The following TBX2 variants were observed in gnomAD, a reference collection of about 807,000 sequenced individuals.
TBX2 encodes T-box transcription factor 2.
TBX2 carries 19 observed loss-of-function variants against 48.4 expected under a neutral mutation model. The ratio of observed to expected loss-of-function variants is 0.39; its 90% confidence interval spans 0.27 to 0.58. The LOEUF is 0.58. Ranked by LOEUF, TBX2 falls within the 20% of genes least tolerant of loss-of-function variation. The pLI is 0.54. For missense variants in TBX2, 994 were observed against 1,006.5 expected (o/e 0.99, Z 0.17); for synonymous variants, 522 against 459.7 (o/e 1.14, Z -1.73).
intron 1 of TBX2, among the ~76,000 whole-genome samples, chr17:61,401,245 A>G (rs373581483): frequency 6.6e-6 from 1 of 151,384 alleles, no homozygotes; most frequent in East Asian, 2.0e-4. Flanking sequence ...ATGTCTTATC[A>G]GGCTCTGTAG....
rs182290035 is a variant in TBX2, at chr17:61,404,704, C to G, written c.986C>G (p.Pro329Arg). The change falls in exon 5 of 7, where the codon CCC becomes CGC. Residue 329 changes from proline to arginine, a missense_variant. This residue lies in a region of TBX2 where 639 missense variants were observed against 613.2 expected (regional missense o/e 1.04). Transcript: ENST00000240328. ...ESDASSCDPP[P>R]AREPPTSPGA... ...GACGCCTCGTCGTGCGACCCTCCCC[C>G]CGCGCGGGAACCACCCACCTCCCCG... 3.8e-6 allele frequency: 6 copies of G among 1,567,348 alleles called. No individual in the cohort carries two copies. The East Asian group carries it at 7.1e-5, about 19-fold the overall frequency.
At position 61,400,134 on chromosome 17, in the gene TBX2, C is replaced by G. The variant is rs1257498759; in HGVS notation, c.-43C>G. 2.1e-6 allele frequency: 2 copies of G among 972,008 alleles called. No individual in the cohort carries two copies. The highest frequency in any genetic ancestry group is 1.2e-6 in the Non-Finnish European group (1 of 819,592). 60.2% of individuals were successfully genotyped at this position (972,008 alleles called of 1,614,324 possible). ...GCCGGGGGTCCGAGCCGCGCGCCCC[C>G]GGCCCCGGCCCCGGCCCCCGGGCGC... On this transcript the variant is annotated 5_prime_UTR_variant, in exon 1 of 7. Transcript: ENST00000240328. This position sits in a 1 kb window ranked among gnomAD's most constrained non-coding sequence, Gnocchi z 9.2.
rs1385413906 is a variant in TBX2, at chr17:61,405,291, G to C, written c.1141G>C (p.Ala381Pro). 1.3e-6 allele frequency: 2 copies of C among 1,560,470 alleles called. No individual in the cohort carries two copies. The highest frequency in any genetic ancestry group is 1.7e-6 in the Non-Finnish European group (2 of 1,160,854). Residue 381 changes from alanine to proline, a missense_variant, in exon 6 of 7, where the codon GCT becomes CCT. By Grantham distance (27) the Ala-to-Pro change is conservative (BLOSUM62 -1). Transcript: ENST00000240328. ...GGGGGCGCCGCTAGGCCGCAGCCCG[G>C]CTCCAGACAGCGCCAGCCCCACTCG... ...RAGAPLGRSP[A>P]PDSASPTRLT...
intron 2 of TBX2, 88 bp downstream of exon 2, chr17:61,402,039 CA>C (rs2060265831): frequency 1.3e-6 from 2 of 1,499,832 alleles, no homozygotes; most frequent in Middle Eastern, 2.1e-4. Flanking sequence ...CAGGATCTCC[CA>C]GGGGGAAGCG....
chr17:61,401,949 T>C lies in TBX2; in HGVS notation c.661T>C (p.Phe221Leu). ...LTNNISDKHG[F>L]TILNSMHKYQ... ...CAACAACATCTCTGACAAGCACGGCTTCGTGAGTGTTGGGGCAGGGTGGGG... is the reference window on the plus strand; with the variant it reads ...CAACAACATCTCTGACAAGCACGGCCTCGTGAGTGTTGGGGCAGGGTGGGG... Residue 221 changes from phenylalanine (F) to leucine (L), a missense_variant and splice_region_variant, in exon 2 of 7, where the codon TTC becomes CTC. Coordinates refer to ENST00000240328, the MANE Select transcript of TBX2 (RefSeq NM_005994.4). The C allele has an allele frequency of 6.3e-7, 1 of 1,593,626 alleles. No individual in the cohort carries two copies. The highest frequency in any genetic ancestry group is 1.7e-5 in the Admixed American group (1 of 59,178).
chr17:61,401,980 G>A (rs1020970890), intron 2 of TBX2, 29 bp downstream of exon 2: 2 of 1,556,484 alleles, frequency 1.3e-6, no homozygotes, highest in Non-Finnish European at 1.7e-6. Context: ...TGGGGACGGT[G>A]CAGGAGCTTG....
rs1298909390 is a variant in TBX2 at position 61,403,347 on chromosome 17, G to T, written c.810+140G>T. ...GGCCCGCCCCCGAGCACCGAGCCTC[G>T]CATCCATACGCGCAGCACTCACGGA... On this transcript the variant is annotated intron_variant, in intron 3 of 6. Transcript: ENST00000240328. The surrounding 1 kb of genome is among the most constrained non-coding windows in gnomAD (Gnocchi z 5.8). The T allele has an allele frequency of 6.7e-6, 9 of 1,339,352 alleles. No individual in the cohort carries two copies. Among genetic ancestry groups the T allele is most frequent in the African/African-American group, 6.0e-5 (4 of 66,968 alleles). 83.0% of individuals were successfully genotyped at this position (1,339,352 alleles called of 1,614,324 possible).
intron 1 of TBX2, among the ~76,000 whole-genome samples, chr17:61,401,250 CTG>C (rs1429950653): frequency 6.6e-6 from 1 of 152,092 alleles, no homozygotes; most frequent in Non-Finnish European, 1.5e-5. Context: ...TTATCAGGCT[CTG>C]TAGCCCAGTT....
chr17:61,404,984 G>A (rs2060281875), intron 5 of TBX2: 2 of 1,264,360 alleles, frequency 1.6e-6, no homozygotes, highest in East Asian at 2.5e-5. Flanking sequence ...CCCCTTGGGC[G>A]CCGTGTAATT....
At position 61,400,203 on chromosome 17, in the gene TBX2, C is replaced by T; in HGVS notation, c.27C>T (p.Ser9=). The change falls in exon 1 of 7, where the codon AGC becomes AGT. Residue 9 remains serine (S), a synonymous_variant. Transcript: ENST00000240328. This position sits in a 1 kb window ranked among gnomAD's most constrained non-coding sequence, Gnocchi z 9.2. MREPALAA[S]AMAYHPFHAP... is the part of the protein sequence containing the mutation. Reference sequence around the variant, plus strand: ...TGAGAGAGCCGGCGCTGGCGGCCAGCGCCATGGCTTACCACCCGTTCCACG... The same window carrying T: ...TGAGAGAGCCGGCGCTGGCGGCCAGTGCCATGGCTTACCACCCGTTCCACG... 8.4e-7 allele frequency: 1 copy of T among 1,188,942 alleles called. No homozygotes were observed. Among genetic ancestry groups the T allele is most frequent in the Non-Finnish European group, 1.1e-6 (1 of 939,238 alleles). The allele number at this position is 1,188,942 out of a possible 1,614,324, so 73.6% of individuals were successfully genotyped here.
Position 61,400,268 on chromosome 17 carries a change from C to G in TBX2, c.92C>G (p.Ala31Gly). 1 of 1,195,412 alleles carries G rather than the reference C, an allele frequency of 8.4e-7. No homozygotes were observed. The highest frequency in any genetic ancestry group is 1.1e-6 in the Non-Finnish European group (1 of 940,844). The allele number at this position is 1,195,412 out of a possible 1,614,324, so 74.1% of individuals were successfully genotyped here. A position where few individuals can be genotyped will look rare whatever the true frequency, so the allele number is the denominator to read the frequency against. The change falls in exon 1 of 7, where the codon GCG (alanine) becomes GGG (glycine). Residue 31 changes from alanine to glycine, a missense_variant. Physicochemically the swap from Ala to Gly is moderately conservative, Grantham distance 60. Transcript: ENST00000240328. This position sits in a 1 kb window ranked among gnomAD's most constrained non-coding sequence, Gnocchi z 9.2. ...PADFPMSAFL[A>G]AAQPSFFPAL... ...GACTTCCCCATGTCCGCCTTTCTGG[C>G]GGCGGCGCAGCCCTCCTTCTTCCCG...
intron 6 of TBX2, 153 bp from the exon 7 acceptor site, chr17:61,407,901 G>C (rs753450011): frequency 2.0e-6 from 2 of 996,990 alleles, no homozygotes; most frequent in Non-Finnish European, 2.9e-6. Flanking sequence ...ACTGGCTCAT[G>C]CTTACCTGTG....
chr17:61,408,328 G>A lies in TBX2; in HGVS notation c.1961G>A (p.Arg654Gln), dbSNP rs149614309. 3.2e-5 allele frequency: 52 copies of A among 1,608,148 alleles called. No homozygotes were observed. Among genetic ancestry groups the A allele is most frequent in the African/African-American group, 1.9e-4 (14 of 74,800 alleles). Residue 654 changes from arginine (R) to glutamine (Q), a missense_variant, in exon 7 of 7, where the codon CGG becomes CAG. Coordinates refer to ENST00000240328, the MANE Select transcript of TBX2 (RefSeq NM_005994.4). ...EGSKAAGGNS[R>Q]EPSPLPELAL... Reference sequence around the variant, plus strand: ...TCCAAGGCCGCTGGTGGAAACAGCCGGGAGCCTAGCCCCCTGCCCGAGCTG... The same window carrying A: ...TCCAAGGCCGCTGGTGGAAACAGCCAGGAGCCTAGCCCCCTGCCCGAGCTG...
At chr17:61,405,085 C>A in intron 5 of TBX2, 117 bp from the exon 6 acceptor site, 2 of 1,511,472 alleles carry the variant, frequency 1.3e-6, no homozygotes, top group African/African-American at 1.4e-5. Context: ...GCCCTTTGCC[C>A]GACTCCAGCA....
chr17:61,402,219 C>A (rs887258), intron 2 of TBX2, among the ~76,000 whole-genome samples: 2 of 152,086 alleles, frequency 1.3e-5, no homozygotes, highest in African/African-American at 2.4e-5. Flanking sequence ...TCCCTTGTAC[C>A]GTCAATAGGG....
At chr17:61,401,399 C>T (rs2060263278) in intron 1 of TBX2, among the ~76,000 whole-genome samples, 1 of 152,230 alleles carries the variant, frequency 6.6e-6, no homozygotes, top group Admixed American at 6.5e-5. Flanking sequence ...TGGGCATCAG[C>T]TTTCATCTCA....
rs1569015706 is a variant in TBX2, at chr17:61,403,437, A to G, written c.810+230A>G. On this transcript the variant is annotated intron_variant, in intron 3 of 6. Coordinates refer to ENST00000240328, the MANE Select transcript of TBX2 (RefSeq NM_005994.4). The surrounding 1 kb of genome is among the most constrained non-coding windows in gnomAD (Gnocchi z 5.8). ...ACAGGCTCCCCTGGGGCGAGCGAAC[A>G]GCTGGGCCGTCGTTCTGATGGAGAT... Among the ~76,000 whole-genome samples, 1 of 152,262 alleles carries G rather than the reference A, an allele frequency of 6.6e-6. No homozygotes were observed. Among genetic ancestry groups the G allele is most frequent in the African/African-American group, 2.4e-5 (1 of 41,472 alleles).
At chr17:61,402,582 T>C (rs2060268335) in intron 2 of TBX2, among the ~76,000 whole-genome samples, 1 of 152,002 alleles carries the variant, frequency 6.6e-6, no homozygotes, top group Non-Finnish European at 1.5e-5. Context: ...GGTAGGGCAG[T>C]TGGTGAGCCC....
Position 61,404,683 on chromosome 17 carries a change from C to T in TBX2, c.965C>T (p.Ala322Val), listed in dbSNP as rs139114561. Residue 322 changes from alanine to valine, a missense_variant, in exon 5 of 7, where the codon GCC (alanine) becomes GTC (valine). This residue lies in a region of TBX2 where 639 missense variants were observed against 613.2 expected (regional missense o/e 1.04). Transcript: ENST00000240328. ...KPERDGAESDASSCDPPPARE... is the reference protein window; with the variant it reads ...KPERDGAESDVSSCDPPPARE... ...GAGCGCGATGGCGCGGAGTCAGACG[C>T]CTCGTCGTGCGACCCTCCCCCCGCG... 4 of 1,582,370 alleles carry T rather than the reference C, an allele frequency of 2.5e-6. No homozygotes were observed. Among genetic ancestry groups the T allele is most frequent in the South Asian group, 2.3e-5 (2 of 87,386 alleles).
Sources: gnomAD v4.1 joint callset for allele counts (sites outside exome capture counted in the v4.1 genomes callset) on GRCh38, gnomAD v4.1.1 for gene constraint, gnomAD v4.1.1 regional missense constraint, Gnocchi (gnomAD v3.1) non-coding constraint, MANE v1.5 for transcripts, NCBI Gene and HGNC (gene_info 2026-07-23, HGNC 2026-07-21) for gene names.